The following AIDA variants were observed in gnomAD, a reference collection of about 807,000 sequenced individuals.
AIDA encodes axin interactor, dorsalization associated.
A neutral mutation model predicts 42.7 loss-of-function variants in AIDA; 18 were observed. The ratio of observed to expected loss-of-function variants is 0.42; its 90% CI spans 0.29 to 0.63. AIDA has a LOEUF of 0.63. AIDA is among the 20% of genes least tolerant of loss of function. The pLI is 0.19. For synonymous variants in AIDA, 104 were observed against 122.9 expected, an observed-to-expected ratio of 0.85 and a Z score of 1.02; for missense variants, 250 against 354.1, an observed-to-expected ratio of 0.71 and a Z score of 2.36.
chr1:222,699,046 C>G (rs575946631), intron 2 of AIDA, among the ~76,000 whole-genome samples: 1 of 152,086 alleles, frequency 6.6e-6, no homozygotes, highest in Non-Finnish European at 1.5e-5. Context: ...AGGACAGTCT[C>G]GATCTCCTGA....
intron 1 of AIDA, among the ~76,000 whole-genome samples, chr1:222,705,099 G>T (rs908385321): frequency 6.6e-6 from 1 of 152,054 alleles, no homozygotes; most frequent in East Asian, 1.9e-4. Context: ...CTTAACATAA[G>T]GCAATAATTA....
chr1:222,699,821 GAGTGC>G (rs1655634337), intron 2 of AIDA, among the ~76,000 whole-genome samples: 1 of 151,754 alleles, frequency 6.6e-6, no homozygotes, highest in African/African-American at 2.4e-5. Flanking sequence ...GCCCAGGCTG[GAGTGC>G]AGTGGTGCGA....
At chr1:222,702,386 C>G (rs1335782369) in intron 2 of AIDA, among the ~76,000 whole-genome samples, 1 of 151,488 alleles carries the variant, frequency 6.6e-6, no homozygotes, top group Middle Eastern at 3.4e-3. Flanking sequence ...CTTTTTTTTT[C>G]ATTATCTACA....
intron 6 of AIDA, among the ~76,000 whole-genome samples, chr1:222,679,139 C>T (rs1664607849): frequency 6.6e-6 from 1 of 151,892 alleles, no homozygotes; most frequent in Non-Finnish European, 1.5e-5. Context: ...ATATAATATG[C>T]ACGAAAGAAG....
At chr1:222,710,046 C>T (rs1056576914) in intron 1 of AIDA, among the ~76,000 whole-genome samples, 4 of 152,186 alleles carry the variant, frequency 2.6e-5, no homozygotes, top group African/African-American at 4.8e-5. Flanking sequence ...CTTCTACACC[C>T]TCGACATCCA....
intron 2 of AIDA, 111 bp from the exon 3 acceptor site, chr1:222,694,374 A>G (rs932202869): frequency 1.1e-6 from 1 of 945,176 alleles, no homozygotes; most frequent in Non-Finnish European, 1.6e-6. Flanking sequence ...AAGTAAGTTA[A>G]ATTTTATTTC....
chr1:222,696,504 A>T (rs1359205599), intron 2 of AIDA, among the ~76,000 whole-genome samples: 1 of 152,226 alleles, frequency 6.6e-6, no homozygotes, highest in African/African-American at 2.4e-5. Flanking sequence ...TGAAGCACAG[A>T]GAGGTTAAGT....
intron 6 of AIDA, among the ~76,000 whole-genome samples, chr1:222,681,507 T>C (rs1664651849): frequency 6.6e-6 from 1 of 151,886 alleles, no homozygotes; most frequent in Admixed American, 6.6e-5. Flanking sequence ...GCACTAAAAA[T>C]ACAAAAATGA....
intron 4 of AIDA, among the ~76,000 whole-genome samples, chr1:222,689,423 G>C (rs1655286324): frequency 6.8e-6 from 1 of 147,068 alleles, no homozygotes; most frequent in Non-Finnish European, 1.5e-5. Flanking sequence ...CTGGTCAACA[G>C]AGCCAGACTG....
In AIDA at chr1:222,687,009, C is replaced by A; in HGVS notation, c.381G>T (p.Glu127Asp). 2.5e-6 allele frequency: 4 copies of A among 1,613,604 alleles called. No individual in the cohort carries two copies. The highest frequency in any genetic ancestry group is 3.4e-6 in the Non-Finnish European group (4 of 1,179,862). ...LRRILAPGEEENLEFEEDEEE... is the reference protein window; with the variant it reads ...LRRILAPGEEDNLEFEEDEEE... ...CTTCATCTTCTTCAAATTCCAAATT[C>A]TCTTCTTCACCAGGTGCCAAAATTC... Residue 127 changes from glutamate to aspartate, a missense_variant, in exon 6 of 10, where the codon GAG becomes GAT. Glu to Asp is a conservative substitution (Grantham distance 45, BLOSUM62 2). Coordinates refer to ENST00000340020, the MANE Select transcript of AIDA (RefSeq NM_022831.4).
intron 6 of AIDA, among the ~76,000 whole-genome samples, chr1:222,680,135 G>C (rs1664627679): frequency 6.6e-6 from 1 of 152,202 alleles, no homozygotes; most frequent in Admixed American, 6.5e-5. Flanking sequence ...GAGCAATGCA[G>C]GTTCACAGTG....
At chr1:222,695,953 GCACT>G (rs1655508245) in intron 2 of AIDA, among the ~76,000 whole-genome samples, 1 of 152,092 alleles carries the variant, frequency 6.6e-6, no homozygotes, top group African/African-American at 2.4e-5. Context: ...CTGGCCCCTA[GCACT>G]TATGCAACTA....
chr1:222,672,604 A>C (rs1285195976), intron 8 of AIDA, among the ~76,000 whole-genome samples: 1 of 152,228 alleles, frequency 6.6e-6, no homozygotes, highest in South Asian at 2.1e-4. Context: ...TTCTAACAGA[A>C]GCACTGAAAG....
At chr1:222,701,426 T>C (rs1655702064) in intron 2 of AIDA, among the ~76,000 whole-genome samples, 1 of 152,184 alleles carries the variant, frequency 6.6e-6, no homozygotes, top group South Asian at 2.1e-4. Context: ...ATTCCTTAAG[T>C]TTTCATTCTG....
Position 222,669,970 on chromosome 1 carries a change from A to C in AIDA, c.844T>G (p.Phe282Val). ...AATAATTGCAATTTCTTTCTTTTAAAGTCAGTGGGTTTCTTGTATCTGTAA... is the reference window on the plus strand; with the variant it reads ...AATAATTGCAATTTCTTTCTTTTAACGTCAGTGGGTTTCTTGTATCTGTAA... Reference protein sequence around the residue: ...VIELYKKPTDFKRKKLQLLTK... With the variant: ...VIELYKKPTDVKRKKLQLLTK... The change falls in exon 10 of 10, where the codon TTT (phenylalanine) becomes GTT (valine). Residue 282 changes from phenylalanine (F) to valine (V), a missense_variant. Phe to Val is a conservative substitution (Grantham distance 50, BLOSUM62 -1). This residue lies in a region of AIDA where 35 missense variants were observed against 75.9 expected (regional missense o/e 0.46). Transcript: ENST00000340020. The C allele has an allele frequency of 6.2e-7, 1 of 1,614,096 alleles. No individual in the cohort carries two copies. The highest frequency in any genetic ancestry group is 8.5e-7 in the Non-Finnish European group (1 of 1,180,010).
rs377359963 is a variant in AIDA at position 222,709,557 on chromosome 1, T to G, written c.110+2651A>C. Among the ~76,000 whole-genome samples the G allele has an allele frequency of 1.5e-3, 226 of 151,480 alleles. 6 individuals carry two copies. In the South Asian group the frequency reaches 0.021, roughly 14 times the overall value. On this transcript the variant is annotated intron_variant, in intron 1 of 9. Coordinates refer to ENST00000340020, the MANE Select transcript of AIDA (RefSeq NM_022831.4). Reference sequence around the variant, plus strand: ...TGAAACTGAGATAGAGGCAGTGGGGTTGGACAAGAGACTTTGCAATTTTAA... The same window carrying G: ...TGAAACTGAGATAGAGGCAGTGGGGGTGGACAAGAGACTTTGCAATTTTAA...
rs1365622557 is a variant in AIDA, at chr1:222,689,514, TATATATAC to T, written c.290-1864_290-1857del. On this transcript the variant is annotated intron_variant, in intron 4 of 9. Coordinates refer to ENST00000340020, the MANE Select transcript of AIDA (RefSeq NM_022831.4). ...ATATATATATATATATATATATATA[TATATATAC>T]ACACATACACACACACACATATATA... Among the ~76,000 whole-genome samples, 152 of 71,624 alleles carry T rather than the reference TATATATAC, an allele frequency of 2.1e-3. 5 individuals carry two copies. Among genetic ancestry groups the T allele is most frequent in the African/African-American group, 7.2e-3 (126 of 17,436 alleles). The allele number at this position is 71,624 out of a possible 152,430, so 47.0% of individuals were successfully genotyped here.
Position 222,687,593 on chromosome 1 carries a change from A to G in AIDA, c.353+2T>C, listed in dbSNP as rs1655235754. The G allele has an allele frequency of 1.3e-6, 2 of 1,490,398 alleles. No individual in the cohort carries two copies. Among genetic ancestry groups the G allele is most frequent in the Non-Finnish European group, 1.8e-6 (2 of 1,098,668 alleles). The allele number at this position is 1,490,398 out of a possible 1,614,324, so 92.3% of individuals were successfully genotyped here. A position where few individuals can be genotyped will look rare whatever the true frequency, so the allele number is the denominator to read the frequency against. ...GAAAACAAATATAAATGTTTCTTTT[A>G]CCTTAATGGGACAGGCTGAACATCA... On this transcript the variant is annotated splice_donor_variant, in intron 5 of 9. Transcript: ENST00000340020. LOFTEE classifies it high-confidence loss of function.
intron 4 of AIDA, among the ~76,000 whole-genome samples, chr1:222,689,558 T>C (rs1655308639): frequency 1.4e-5 from 1 of 71,038 alleles, no homozygotes; most frequent in African/African-American, 3.6e-5. Context: ...TACATATATA[T>C]GTATATATAT....
Sources: allele counts gnomAD v4.1 joint callset (sites outside exome capture counted in the v4.1 genomes callset), GRCh38; gene constraint gnomAD v4.1.1; regional missense constraint gnomAD v4.1.1; transcripts MANE v1.5; gene names NCBI Gene and HGNC (gene_info 2026-07-23, HGNC 2026-07-21).